ROBO2: variants seen among roughly 807,000 people sequenced by gnomAD.
ROBO2 encodes the protein roundabout homolog 2.
In ROBO2, 53 loss-of-function variants were observed where a neutral mutation model predicts 160.8. The ratio of observed to expected loss-of-function variants is 0.33; its 90% CI spans 0.26 to 0.41. The LOEUF (loss-of-function observed/expected upper bound fraction) is 0.41, where lower values mean the gene tolerates loss of function less well. ROBO2 is among the 10% of genes least tolerant of loss of function. The probability of loss-of-function intolerance (pLI) is 1.00; values close to 1 mark genes in which losing one functional copy is unlikely to be tolerated. For missense variants in ROBO2, 1,577 were observed against 1,722.4 expected, an observed-to-expected ratio of 0.92 and a Z score of 1.49; for synonymous variants, 664 against 611.7, an observed-to-expected ratio of 1.09 and a Z score of -1.26.
In ROBO2 at chr3:77,040,890, C is replaced by A. The variant is rs367742808; in HGVS notation, c.61+44C>A. On this transcript the variant is annotated intron_variant, in intron 1 of 25. Coordinates refer to ENST00000461745, the Ensembl canonical transcript of ROBO2. ...CATCTTTTTTTGCGCCCCCCACCCC[C>A]CAATCCCCCAAAACCATTTCTTTTT... 5 of 1,610,244 alleles carry A rather than the reference C, an allele frequency of 3.1e-6. No individual in the cohort carries two copies. In the African/African-American group the frequency reaches 4.0e-5, roughly 13 times the overall value.
intron 2 of ROBO2, among the ~76,000 whole-genome samples, chr3:76,777,121 C>G (rs79141126): frequency 0.012 from 1,771 of 151,102 alleles, 31 homozygotes; most frequent in African/African-American, 0.039. Flanking sequence ...GGGCTTTAAT[C>G]AAAACTAATG....
At chr3:76,101,421 A>T (rs1473994366) in intron 2 of ROBO2, among the ~76,000 whole-genome samples, 1 of 152,126 alleles carries the variant, frequency 6.6e-6, no homozygotes, top group Non-Finnish European at 1.5e-5. Context: ...TGCAACACTA[A>T]AAGGGAGATG....
intron 2 of ROBO2, among the ~76,000 whole-genome samples, chr3:76,864,757 A>G (rs1456510690): frequency 6.6e-6 from 1 of 152,126 alleles, no homozygotes; most frequent in African/African-American, 2.4e-5. Flanking sequence ...AGATTATTAG[A>G]AGGTATGTAT....
At chr3:76,052,508 G>T (rs1465585832) in intron 2 of ROBO2, among the ~76,000 whole-genome samples, 1 of 151,512 alleles carries the variant, frequency 6.6e-6, no homozygotes, top group Non-Finnish European at 1.5e-5. Context: ...TTGTTAAACT[G>T]CATGATACAC....
intron 2 of ROBO2, among the ~76,000 whole-genome samples, chr3:76,071,458 G>C (rs1303986192): frequency 6.6e-6 from 1 of 152,032 alleles, no homozygotes; most frequent in African/African-American, 2.4e-5. Flanking sequence ...GTTATGAACT[G>C]GTTGGGTTAT....
rs114627336 is a variant in ROBO2 at position 76,773,010 on chromosome 3, A to G, written c.110-325004A>G. 7.6e-3 allele frequency among the ~76,000 whole-genome samples: 1,152 copies of G among 151,212 alleles called. 24 individuals are homozygous for G. Among genetic ancestry groups the G allele is most frequent in the African/African-American group, 0.026 (1,083 of 41,422 alleles). On this transcript the variant is annotated intron_variant, in intron 2 of 26. Coordinates refer to the ROBO2 transcript ENST00000487694. ...CAATTCTGATAAAAAGCATTTAAAT[A>G]CCATAACCAATGTAAAGTTAAAGGC...
intron 2 of ROBO2, among the ~76,000 whole-genome samples, chr3:77,208,717 G>A (rs1035019842): frequency 1.3e-5 from 2 of 152,266 alleles, no homozygotes; most frequent in Middle Eastern, 3.4e-3. Context: ...GGTTATTTGT[G>A]TAATTTGAAA....
At chr3:77,035,496 G>A (rs1364194472), upstream of ROBO2, among the ~76,000 whole-genome samples, 4 of 151,772 alleles carry the variant, frequency 2.6e-5, no homozygotes, top group African/African-American at 7.2e-5. Context: ...TTGAAAATAC[G>A]TGATTTTATT....
intron 2 of ROBO2, among the ~76,000 whole-genome samples, chr3:77,350,201 G>A (rs1457379987): frequency 6.6e-6 from 1 of 151,768 alleles, no homozygotes; most frequent in African/African-American, 2.4e-5. Context: ...TTGAGCCCAG[G>A]AGTTCAAGAC....
chr3:76,029,772 A>G (rs951471873), intron 2 of ROBO2, among the ~76,000 whole-genome samples: 4 of 152,152 alleles, frequency 2.6e-5, no homozygotes, highest in Non-Finnish European at 5.9e-5. Flanking sequence ...TCATTGATGG[A>G]CACTTGGGTT....
chr3:76,740,932 C>T (rs1294791339), intron 2 of ROBO2, among the ~76,000 whole-genome samples: 2 of 152,020 alleles, frequency 1.3e-5, no homozygotes, highest in East Asian at 3.8e-4. Context: ...AATCAATTTA[C>T]TTGCCTTATC....
chr3:76,622,227 GA>G (rs1207665456), intron 2 of ROBO2, among the ~76,000 whole-genome samples: 3 of 27,568 alleles, frequency 1.1e-4, no homozygotes, highest in East Asian at 1.9e-3. Context: ...AGGAAGGAAG[GA>G]AGGAAGGAAG....
intron 2 of ROBO2, among the ~76,000 whole-genome samples, chr3:76,589,152 TTAAA>T (rs1382064006): frequency 6.6e-6 from 1 of 152,212 alleles, no homozygotes; most frequent in African/African-American, 2.4e-5. Flanking sequence ...GATGAACATG[TTAAA>T]TAATTTATCT....
Position 77,140,008 on chromosome 3 carries a change from T to A in ROBO2, c.388+41668T>A, listed in dbSNP as rs147664500. ...ACTGCAAACCAGAGGCAGGAGGGGA[T>A]GAAAGAAGGGTGGCTGTTTGCCCTG... On this transcript the variant is annotated intron_variant, in intron 2 of 25. Coordinates refer to ENST00000461745, the Ensembl canonical transcript of ROBO2. Among the ~76,000 whole-genome samples, 168 of 152,278 alleles carry A rather than the reference T, an allele frequency of 1.1e-3. 5 individuals are homozygous for A. In the East Asian group the frequency reaches 0.03, roughly 27 times the overall value.
At chr3:76,288,359 G>T (rs1708632182) in intron 2 of ROBO2, among the ~76,000 whole-genome samples, 2 of 152,066 alleles carry the variant, frequency 1.3e-5, no homozygotes, top group East Asian at 1.9e-4. Flanking sequence ...TTAAAATATG[G>T]GTTTCTGTTC....
chr3:77,563,516 GAT>G (rs2093393735), intron 11 of ROBO2, among the ~76,000 whole-genome samples, 187 bp downstream of exon 12: 2 of 152,084 alleles, frequency 1.3e-5, no homozygotes. Context: ...TTAATTATAA[GAT>G]TTAAATATGC....
intron 2 of ROBO2, among the ~76,000 whole-genome samples, chr3:76,046,506 G>A (rs1189779975): frequency 6.6e-6 from 1 of 151,040 alleles, no homozygotes; most frequent in African/African-American, 2.5e-5. Context: ...AAAATTAGCC[G>A]GGCGTGGTGG....
At chr3:77,426,853 T>A (rs2078263013) in intron 2 of ROBO2, among the ~76,000 whole-genome samples, 1 of 152,148 alleles carries the variant, frequency 6.6e-6, no homozygotes. Flanking sequence ...TGTATATGAA[T>A]GTAAAAAGAA....
intron 2 of ROBO2, among the ~76,000 whole-genome samples, chr3:76,737,678 G>C (rs1408321526): frequency 6.6e-6 from 1 of 152,092 alleles, no homozygotes; most frequent in Non-Finnish European, 1.5e-5. Flanking sequence ...GCATGTAGAT[G>C]GACAGAAGAA....
Sources: allele counts gnomAD v4.1 joint callset (sites outside exome capture counted in the v4.1 genomes callset), GRCh38; gene constraint gnomAD v4.1.1; transcripts MANE v1.5; gene names NCBI Gene and HGNC (gene_info 2026-07-23, HGNC 2026-07-21).